PAX5: variants seen among roughly 807,000 people sequenced by gnomAD.
The protein encoded by PAX5 is paired box 5.
Under a neutral mutation model 43.7 loss-of-function variants are expected in PAX5, and 9 were observed. That is an observed-to-expected ratio of 0.21 (90% confidence interval 0.12 to 0.36). The LOEUF (loss-of-function observed/expected upper bound fraction) is 0.36, where lower values mean the gene tolerates loss of function less well. PAX5 is among the 10% of genes least tolerant of loss of function. PAX5 has a pLI of 1.00. For missense variants in PAX5, 383 were observed against 532.7 expected (o/e 0.72, Z 2.77); for synonymous variants, 228 against 214.3 (o/e 1.06, Z -0.56).
intron 2 of PAX5, among the ~76,000 whole-genome samples, chr9:37,019,040 C>G (rs1473170880): frequency 6.6e-6 from 1 of 152,064 alleles, no homozygotes; most frequent in Non-Finnish European, 1.5e-5. Flanking sequence ...CCCTCTCTCT[C>G]GGTACAATGA....
intron 3 of PAX5, chr9:37,007,677 C>T (rs1247045326): frequency 6.6e-6 from 1 of 152,136 alleles, no homozygotes; most frequent in African/African-American, 2.4e-5. Context: ...TTTGAAAGGA[C>T]ATTTATTAGA....
intron 6 of PAX5, among the ~76,000 whole-genome samples, chr9:36,949,630 C>T (rs762355429): frequency 1.3e-5 from 2 of 152,192 alleles, no homozygotes; most frequent in African/African-American, 2.4e-5. Flanking sequence ...TGCAAAGTCA[C>T]AAGCAGCTGC....
chr9:36,998,226 TTGGACATAG>T (rs1448815657), intron 5 of PAX5, among the ~76,000 whole-genome samples: 1 of 152,214 alleles, frequency 6.6e-6, no homozygotes, highest in African/African-American at 2.4e-5. Context: ...CATCTGAGAC[TTGGACATAG>T]TGGCCATATA....
chr9:36,934,156 G>A (rs1006324494), intron 6 of PAX5, among the ~76,000 whole-genome samples: 4 of 152,190 alleles, frequency 2.6e-5, no homozygotes, highest in African/African-American at 7.2e-5. Context: ...AGCCTGACAC[G>A]GCCAAGTCTG....
At chr9:36,968,065 T>C (rs1278239213) in intron 5 of PAX5, among the ~76,000 whole-genome samples, 1 of 152,200 alleles carries the variant, frequency 6.6e-6, no homozygotes, top group Non-Finnish European at 1.5e-5. Context: ...TCCCCGGGGC[T>C]CTCTGGGACC....
At chr9:36,950,528 A>G (rs967971024) in intron 6 of PAX5, among the ~76,000 whole-genome samples, 3 of 152,124 alleles carry the variant, frequency 2.0e-5, no homozygotes, top group African/African-American at 7.2e-5. Flanking sequence ...AGACACTCTC[A>G]GCGACAGAAG....
chr9:36,921,234 C>T (rs567464615), intron 7 of PAX5, among the ~76,000 whole-genome samples: 1 of 152,352 alleles, frequency 6.6e-6, no homozygotes, highest in African/African-American at 2.4e-5. Flanking sequence ...AAGCCTATAA[C>T]ATCTTCTTGT....
chr9:37,029,063 T>C (rs550120863), intron 1 of PAX5, among the ~76,000 whole-genome samples: 1 of 152,296 alleles, frequency 6.6e-6, no homozygotes, highest in South Asian at 2.1e-4. Flanking sequence ...CAGCAACTCA[T>C]GGGAGTGGTC....
chr9:36,941,192 C>T (rs1215538777), intron 6 of PAX5, among the ~76,000 whole-genome samples: 2 of 152,254 alleles, frequency 1.3e-5, no homozygotes, highest in Non-Finnish European at 2.9e-5. Flanking sequence ...CACCACCCAT[C>T]ACAGACCCTG....
At chr9:36,965,369 A>G (rs1252840376) in intron 6 of PAX5, among the ~76,000 whole-genome samples, 3 of 152,220 alleles carry the variant, frequency 2.0e-5, no homozygotes, top group Non-Finnish European at 2.9e-5. Flanking sequence ...TGTTATGTGA[A>G]TGCGTCTTGC....
At chr9:36,863,154 G>A (rs1279320512) in intron 8 of PAX5, among the ~76,000 whole-genome samples, 3 of 152,202 alleles carry the variant, frequency 2.0e-5, no homozygotes, top group Non-Finnish European at 4.4e-5. Flanking sequence ...TCCCTCCTGC[G>A]GTAGCTGCTT....
At chr9:36,962,010 A>G (rs1352793664) in intron 6 of PAX5, among the ~76,000 whole-genome samples, 6 of 152,232 alleles carry the variant, frequency 3.9e-5, no homozygotes, top group Admixed American at 3.3e-4. Context: ...CAAAGCGTTT[A>G]CTACATTTCC....
intron 7 of PAX5, among the ~76,000 whole-genome samples, chr9:36,901,202 G>T (rs1180793243): frequency 6.6e-6 from 1 of 152,044 alleles, no homozygotes; most frequent in Non-Finnish European, 1.5e-5. Context: ...CTGCCCCCAG[G>T]TCTTTGGCAG....
At chr9:36,923,751 T>G (rs1238601949) in intron 6 of PAX5, among the ~76,000 whole-genome samples, 1 of 152,204 alleles carries the variant, frequency 6.6e-6, no homozygotes, top group Non-Finnish European at 1.5e-5. Context: ...TTGCTCCCTC[T>G]GGCCTGCATG....
At chr9:37,014,547 A>T (rs1429281541) in intron 3 of PAX5, among the ~76,000 whole-genome samples, 3 of 151,998 alleles carry the variant, frequency 2.0e-5, no homozygotes, top group Admixed American at 2.0e-4. Context: ...TGTTCCTCTC[A>T]CTCACTGGCT....
chr9:36,859,473 C>A (rs1051828017), intron 8 of PAX5, among the ~76,000 whole-genome samples: 2 of 152,164 alleles, frequency 1.3e-5, no homozygotes, highest in Non-Finnish European at 2.9e-5. Context: ...TCCCTCCCTC[C>A]CCCTGCCAGC....
intron 7 of PAX5, among the ~76,000 whole-genome samples, chr9:36,896,381 C>T (rs1025466896): frequency 6.6e-6 from 1 of 151,826 alleles, no homozygotes; most frequent in Non-Finnish European, 1.5e-5. Flanking sequence ...CCAATTATTT[C>T]CTCAAACCAA....
intron 7 of PAX5, among the ~76,000 whole-genome samples, chr9:36,910,405 C>G: frequency 6.6e-6 from 1 of 152,204 alleles, no homozygotes; most frequent in East Asian, 1.9e-4. Context: ...CTCGTTCTTT[C>G]CCACTCCATT....
intron 9 of PAX5, 40 bp from the exon 10 acceptor site, chr9:36,840,676 G>A (rs1563877136): frequency 7.3e-7 from 1 of 1,377,238 alleles, no homozygotes; most frequent in South Asian, 1.3e-5. Context: ...CAGATCCGGG[G>A]TCCCCTTTCC....
Sources: gnomAD v4.1 joint callset for allele counts (sites outside exome capture counted in the v4.1 genomes callset) on GRCh38, gnomAD v4.1.1 for gene constraint, MANE v1.5 for transcripts, NCBI Gene and HGNC (gene_info 2026-07-23, HGNC 2026-07-21) for gene names.